Variants in MYO16 observed in about 807,000 individuals in gnomAD.
MYO16 encodes the protein unconventional myosin-XVI.
Under a neutral mutation model 205.3 loss-of-function variants are expected in MYO16, and 94 were observed. The observed-to-expected ratio is 0.46, with a 90% CI of 0.39 to 0.54. MYO16 has a LOEUF of 0.54. Ranked by LOEUF, MYO16 falls within the 20% of genes least tolerant of loss-of-function variation. The pLI, the probability that MYO16 is intolerant of heterozygous loss-of-function variation, is 0.00. For missense variants in MYO16, 2,315 were observed against 2,387.5 expected (o/e 0.97, Z 0.63); for synonymous variants, 988 against 954.0 (o/e 1.04, Z -0.66).
At position 108,709,453 on chromosome 13, in the gene MYO16, A is replaced by G. The variant is rs1352260446; in HGVS notation, c.293-3208A>G. Among the ~76,000 whole-genome samples, 2 of 77,936 alleles carry G rather than the reference A, an allele frequency of 2.6e-5. 1 individual carries two copies. The highest frequency in any genetic ancestry group is 9.5e-5 in the African/African-American group (2 of 21,068). 51.1% of individuals were successfully genotyped at this position (77,936 alleles called of 152,430 possible). A position where few individuals can be genotyped will look rare whatever the true frequency, so the allele number is the denominator to read the frequency against. On this transcript the variant is annotated intron_variant, in intron 2 of 34. Coordinates refer to ENST00000457511, the MANE Select transcript of MYO16 (RefSeq NM_001198950.3). ...TGAGTTCTAGCTCCATCATGTACCT[A>G]CAGCTTCAGGGAACCACGTAATGTA...
At chr13:109,164,339 C>T (rs746137207) in intron 32 of MYO16, among the ~76,000 whole-genome samples, 2 of 152,148 alleles carry the variant, frequency 1.3e-5, no homozygotes, top group Non-Finnish European at 2.9e-5. Flanking sequence ...CAGTGGCTTT[C>T]GTGTTCGTAC....
intron 4 of MYO16, among the ~76,000 whole-genome samples, chr13:108,758,951 T>G (rs1193575230): frequency 1.3e-5 from 2 of 152,246 alleles, no homozygotes; most frequent in South Asian, 2.1e-4. Flanking sequence ...TTGTATCTAT[T>G]ACAACTGCTG....
At chr13:108,628,095 G>C (rs1306001626), upstream of MYO16, among the ~76,000 whole-genome samples, 1 of 152,148 alleles carries the variant, frequency 6.6e-6, no homozygotes, top group Non-Finnish European at 1.5e-5. Context: ...GTGTCTTACA[G>C]TTTTATTGAA....
chr13:108,672,423 C>T (rs934500371), intron 2 of MYO16, among the ~76,000 whole-genome samples: 1 of 152,028 alleles, frequency 6.6e-6, no homozygotes, highest in Non-Finnish European at 1.5e-5. Flanking sequence ...CTTTTATTGG[C>T]TGGCTGAGTA....
chr13:108,718,858 C>T (rs1884050885), intron 3 of MYO16, among the ~76,000 whole-genome samples: 1 of 152,184 alleles, frequency 6.6e-6, no homozygotes, highest in South Asian at 2.1e-4. Context: ...GGAAGAGAAT[C>T]GTAACCTTGA....
the MYO16 span, among the ~76,000 whole-genome samples, chr13:108,537,591 G>A: frequency 0.073 from 11,085 of 152,136 alleles, 489 homozygotes; most frequent in Admixed American, 0.12. Flanking sequence ...TTCCATAGAG[G>A]TTGTACTAAT....
At chr13:108,624,482 CA>C (rs754091499) in intron 1 of MYO16, among the ~76,000 whole-genome samples, 25 of 152,276 alleles carry the variant, frequency 1.6e-4, no homozygotes, top group African/African-American at 4.8e-4. Context: ...AGACATAAAA[CA>C]AAACGGTCTG....
intron 6 of MYO16, among the ~76,000 whole-genome samples, chr13:108,797,179 A>G (rs140660197): frequency 6.6e-6 from 1 of 152,328 alleles, no homozygotes. Flanking sequence ...TGAAGAAGAC[A>G]CAAACCTAAA....
chr13:108,935,427 G>A (rs1351197764), intron 16 of MYO16, among the ~76,000 whole-genome samples: 4 of 152,120 alleles, frequency 2.6e-5, no homozygotes, highest in Non-Finnish European at 4.4e-5. Context: ...AACATTATTG[G>A]TGTATAGAAA....
chr13:109,122,429 A>T (rs1049206617), intron 29 of MYO16, among the ~76,000 whole-genome samples: 1 of 152,224 alleles, frequency 6.6e-6, no homozygotes, highest in African/African-American at 2.4e-5. Flanking sequence ...CTGTATTCTC[A>T]GCACTTTGGG....
At chr13:108,819,641 A>T (rs1875854574) in intron 7 of MYO16, among the ~76,000 whole-genome samples, 1 of 152,120 alleles carries the variant, frequency 6.6e-6, no homozygotes, top group South Asian at 2.1e-4. Context: ...CATGTATATT[A>T]TATATACCCT....
At chr13:109,113,867 A>G (rs1328490516) in intron 28 of MYO16, among the ~76,000 whole-genome samples, 1 of 152,150 alleles carries the variant, frequency 6.6e-6, no homozygotes, top group African/African-American at 2.4e-5. Context: ...CCAGGATAAG[A>G]TGGAAACATA....
intron 32 of MYO16, among the ~76,000 whole-genome samples, chr13:109,160,082 T>C (rs779415675): frequency 6.6e-6 from 1 of 152,240 alleles, no homozygotes; most frequent in Non-Finnish European, 1.5e-5. Context: ...TGTTATAGGA[T>C]GTTTTGCAGC....
intron 20 of MYO16, among the ~76,000 whole-genome samples, chr13:108,987,900 A>G (rs1300853499): frequency 6.6e-6 from 1 of 152,064 alleles, no homozygotes; most frequent in Non-Finnish European, 1.5e-5. Context: ...TCCTTTCTCC[A>G]CTCTATATCT....
chr13:108,920,308 C>T (rs1881684076), intron 16 of MYO16, among the ~76,000 whole-genome samples: 1 of 151,052 alleles, frequency 6.6e-6, no homozygotes, highest in South Asian at 2.1e-4. Context: ...TTCTCTTTCT[C>T]TTTCTCCTTC....
upstream of MYO16, among the ~76,000 whole-genome samples, chr13:108,626,024 A>T (rs918354380): frequency 1.3e-5 from 2 of 152,208 alleles, no homozygotes; most frequent in Admixed American, 6.5e-5. Context: ...ATTTTAAAAG[A>T]TATTTACTAA....
At chr13:108,897,942 C>A in intron 14 of MYO16, 74 bp from the exon 15 acceptor site, 1 of 1,125,600 alleles carries the variant, frequency 8.9e-7, no homozygotes, top group Non-Finnish European at 1.3e-6. Context: ...TTATTCACTG[C>A]ATCGTCGCTA....
At chr13:108,999,269 C>T (rs1396192396) in intron 21 of MYO16, among the ~76,000 whole-genome samples, 7 of 152,174 alleles carry the variant, frequency 4.6e-5, no homozygotes, top group African/African-American at 1.7e-4. Context: ...ACATAGATTT[C>T]AAAATCATAC....
intron 2 of MYO16, among the ~76,000 whole-genome samples, chr13:108,683,650 T>C (rs1882554433): frequency 6.6e-6 from 1 of 152,188 alleles, no homozygotes; most frequent in African/African-American, 2.4e-5. Context: ...TCCTTCTCAA[T>C]TGAAAATTAT....
Sources: allele counts gnomAD v4.1 joint callset (sites outside exome capture counted in the v4.1 genomes callset), GRCh38; gene constraint gnomAD v4.1.1; transcripts MANE v1.5; gene names NCBI Gene and HGNC (gene_info 2026-07-23, HGNC 2026-07-21).